LARGE1: variants seen among roughly 807,000 people sequenced by gnomAD.
The protein encoded by LARGE1 is xylosyl- and glucuronyltransferase LARGE1.
LARGE1 carries 43 observed loss-of-function variants against 87.6 expected under a neutral mutation model. The observed-to-expected ratio is 0.49, with a 90% confidence interval of 0.38 to 0.63. The LOEUF (loss-of-function observed/expected upper bound fraction) is 0.63. Ranked by LOEUF, LARGE1 falls within the 30% of genes least tolerant of loss-of-function variation. LARGE1 has a pLI of 0.00. For synonymous variants in LARGE1, 434 were observed against 394.6 expected (o/e 1.10, Z -1.18); for missense variants, 802 against 1,000.2 (o/e 0.80, Z 2.67).
chr22:33,884,701 C>T (rs980511704), intron 1 of LARGE1, among the ~76,000 whole-genome samples: 4 of 152,210 alleles, frequency 2.6e-5, no homozygotes, highest in African/African-American at 9.6e-5. Flanking sequence ...GAAGGAAAGC[C>T]TCCACCTCCT....
chr22:33,232,045 C>T (rs933639465), intron 11 of LARGE1, among the ~76,000 whole-genome samples: 5 of 152,180 alleles, frequency 3.3e-5, no homozygotes, highest in Non-Finnish European at 7.3e-5. Context: ...GCTAACCATT[C>T]ACAGCCAGTT....
At chr22:33,915,401 G>A (rs149174280) in intron 1 of LARGE1, among the ~76,000 whole-genome samples, 1 of 151,556 alleles carries the variant, frequency 6.6e-6, no homozygotes. Flanking sequence ...GAGCATATCT[G>A]ATAAAATGGA....
chr22:33,473,168 CT>C (rs993859600), intron 6 of LARGE1, among the ~76,000 whole-genome samples: 390 of 145,092 alleles, frequency 2.7e-3, no homozygotes, highest in Non-Finnish European at 2.9e-3. Flanking sequence ...TCATATCTCT[CT>C]TTTTTTTTTT....
chr22:33,583,204 T>C (rs1239809014), intron 5 of LARGE1, among the ~76,000 whole-genome samples: 2 of 152,132 alleles, frequency 1.3e-5, no homozygotes, highest in African/African-American at 4.8e-5. Context: ...ATCCCAGATC[T>C]ACCTTTCTGT....
intron 11 of LARGE1, among the ~76,000 whole-genome samples, chr22:33,212,438 T>C (rs1925009703): frequency 6.6e-6 from 1 of 152,236 alleles, no homozygotes; most frequent in African/African-American, 2.4e-5. Flanking sequence ...AGAAATATTA[T>C]TCAGAAAAAA....
chr22:33,746,861 G>C (rs1432586476), intron 2 of LARGE1, among the ~76,000 whole-genome samples: 1 of 152,212 alleles, frequency 6.6e-6, no homozygotes, highest in African/African-American at 2.4e-5. Context: ...AGGGGGCGCT[G>C]AGACCAGGAA....
the LARGE1 span, among the ~76,000 whole-genome samples, chr22:33,096,566 GTTTTTTTTT>G: frequency 9.3e-6 from 1 of 107,884 alleles, no homozygotes; most frequent in Non-Finnish European, 2.2e-5. Context: ...TTTTGTTTTT[GTTTTTTTTT>G]TTTTTTTGAG....
chr22:33,518,748 G>C (rs1178954177), intron 6 of LARGE1, among the ~76,000 whole-genome samples: 1 of 152,150 alleles, frequency 6.6e-6, no homozygotes, highest in Non-Finnish European at 1.5e-5. Context: ...AATTCACTAG[G>C]ACAGGAGTGG....
At position 33,701,034 on chromosome 22, in the gene LARGE1, G is replaced by A. The variant is rs535910014; in HGVS notation, c.107-50366C>T. Among the ~76,000 whole-genome samples the A allele has an allele frequency of 9.2e-5, 14 of 152,240 alleles. No homozygotes were observed. The South Asian group carries it at 2.7e-3, about 29-fold the overall frequency. ...TTTCCTGGGATCTTGTTAAAATGCG[G>A]GCTCTGATTCATAATCTTGGGATGG... On this transcript the variant is annotated intron_variant, in intron 2 of 14. Transcript: ENST00000397394.
rs754295112 is a variant in LARGE1 at position 33,384,214 on chromosome 22, A to C, written c.983T>G (p.Leu328Arg). The C allele has an allele frequency of 6.2e-7, 1 of 1,613,900 alleles. No individual in the cohort carries two copies. Among genetic ancestry groups the C allele is most frequent in the Non-Finnish European group, 8.5e-7 (1 of 1,179,894 alleles). ...LTAERELMGMLSTSLADQDIF... is the reference protein window; with the variant it reads ...LTAERELMGMRSTSLADQDIF... ...CACCTGGTCAGCTAAGGATGTAGAG[A>C]GCATGCCCATGAGCTCCCTCTCTGC... Residue 328 changes from leucine (L) to arginine (R), a missense_variant, in exon 8 of 15, where the codon CTC (leucine) becomes CGC (arginine). Physicochemically the swap from Leu to Arg is moderately radical, Grantham distance 102. Transcript: ENST00000397394.
chr22:33,651,496 A>G (rs2080818367), intron 2 of LARGE1, among the ~76,000 whole-genome samples: 1 of 152,136 alleles, frequency 6.6e-6, no homozygotes, highest in African/African-American at 2.4e-5. Flanking sequence ...TTTTAAAAGC[A>G]TCACCTCTCA....
At chr22:33,502,069 G>A (rs972286555) in intron 6 of LARGE1, among the ~76,000 whole-genome samples, 18 of 151,958 alleles carry the variant, frequency 1.2e-4, no homozygotes, top group African/African-American at 3.9e-4. Flanking sequence ...GCTGGCAGGC[G>A]CCTGTAGTTC....
chr22:33,860,989 G>C (rs1478679745), intron 1 of LARGE1, among the ~76,000 whole-genome samples: 1 of 152,158 alleles, frequency 6.6e-6, no homozygotes, highest in African/African-American at 2.4e-5. Context: ...TGCACTCCTG[G>C]GCACTGTCGC....
chr22:33,483,513 G>C (rs1250749327), intron 6 of LARGE1, among the ~76,000 whole-genome samples: 1 of 152,140 alleles, frequency 6.6e-6, no homozygotes. Context: ...AGAGGTAAAA[G>C]AGCAAGGGCA....
rs36005583 is a variant in LARGE1 at position 33,623,705 on chromosome 22, TAA to T, written c.491+2537_491+2538del. Among the ~76,000 whole-genome samples, 1,041 of 133,486 alleles carry T rather than the reference TAA, an allele frequency of 7.8e-3. 8 individuals are homozygous for T. Among genetic ancestry groups the T allele is most frequent in the Non-Finnish European group, 9.8e-3 (619 of 63,048 alleles). 87.6% of individuals were successfully genotyped at this position (133,486 alleles called of 152,430 possible). On this transcript the variant is annotated intron_variant, in intron 4 of 14. Transcript: ENST00000397394. ...GACACACAGCAAAAGTTAACTGATT[TAA>T]AAAAAAAAAAAAAAAAAACCTAAAG...
At chr22:33,570,415 T>C (rs1415828533) in intron 5 of LARGE1, among the ~76,000 whole-genome samples, 2 of 151,962 alleles carry the variant, frequency 1.3e-5, no homozygotes, top group Non-Finnish European at 2.9e-5. Context: ...CTGTAAAAAA[T>C]GAGGCAGGCG....
At chr22:33,236,556 C>T (rs1419803390) in intron 11 of LARGE1, among the ~76,000 whole-genome samples, 2 of 152,190 alleles carry the variant, frequency 1.3e-5, no homozygotes, top group African/African-American at 2.4e-5. Context: ...TTACAGCTTA[C>T]ACCTCAACCT....
chr22:33,415,673 A>G (rs55645916), intron 7 of LARGE1, among the ~76,000 whole-genome samples: 8,396 of 152,248 alleles, frequency 0.055, 285 homozygotes, highest in African/African-American at 0.1. Flanking sequence ...AGAATGTAGC[A>G]AGGCTGAAGG....
intron 6 of LARGE1, among the ~76,000 whole-genome samples, chr22:33,473,707 G>A (rs1352773663): frequency 6.6e-6 from 1 of 152,136 alleles, no homozygotes; most frequent in Non-Finnish European, 1.5e-5. Context: ...GCCTTCCAAA[G>A]TGCTGGGATT....
Sources: allele counts gnomAD v4.1 joint callset (sites outside exome capture counted in the v4.1 genomes callset), GRCh38; gene constraint gnomAD v4.1.1; transcripts MANE v1.5; gene names NCBI Gene and HGNC (gene_info 2026-07-23, HGNC 2026-07-21).